The following CNOT2 variants were observed in gnomAD, a reference collection of about 807,000 sequenced individuals.
The protein encoded by CNOT2 is CC chemokine receptor 4-negative regulator of transcription 2.
CNOT2 carries 7 observed loss-of-function variants against 72.1 expected under a neutral mutation model. That is an observed-to-expected ratio of 0.10 (90% CI 0.06 to 0.18). CNOT2 has a LOEUF of 0.18. CNOT2 is among the 10% of genes least tolerant of loss of function. CNOT2 has a pLI of 1.00. For synonymous variants in CNOT2, 196 were observed against 225.6 expected, an observed-to-expected ratio of 0.87 and a Z score of 1.17; for missense variants, 345 against 660.3, an observed-to-expected ratio of 0.52 and a Z score of 5.23.
chr12:70,342,396 ATAAT>A, intron 13 of CNOT2, 89 bp downstream of exon 13: 1 of 1,420,880 alleles, frequency 7.0e-7, no homozygotes, highest in South Asian at 1.2e-5. Flanking sequence ...TATTTTTGAA[ATAAT>A]TAGTAATGGT....
chr12:70,351,967 A>G (rs953118657), intron 15 of CNOT2, among the ~76,000 whole-genome samples: 2 of 152,170 alleles, frequency 1.3e-5, no homozygotes, highest in African/African-American at 4.8e-5. Flanking sequence ...TACCAGTCAC[A>G]TGAAGGCAAC....
chr12:70,321,576 G>T (rs1045578058), intron 4 of CNOT2: 1 of 151,868 alleles, frequency 6.6e-6, no homozygotes, highest in Admixed American at 6.6e-5. Context: ...TACTGTAATT[G>T]CACATTGAGA....
intron 2 of CNOT2, among the ~76,000 whole-genome samples, chr12:70,310,039 A>G (rs1179000501): frequency 6.6e-6 from 1 of 152,052 alleles, no homozygotes; most frequent in Non-Finnish European, 1.5e-5. Flanking sequence ...TACAGTGACT[A>G]TTTATATAGC....
chr12:70,246,660 A>C (rs149494931), intron 1 of CNOT2, among the ~76,000 whole-genome samples: 144 of 152,342 alleles, frequency 9.5e-4, no homozygotes, highest in African/African-American at 3.3e-3. Flanking sequence ...GCTGTGCTAA[A>C]GTTGATGTCA....
At chr12:70,286,926 T>C (rs1258842784) in intron 2 of CNOT2, among the ~76,000 whole-genome samples, 1 of 152,112 alleles carries the variant, frequency 6.6e-6, no homozygotes, top group Non-Finnish European at 1.5e-5. Flanking sequence ...TTGTTGCTTT[T>C]CTTGGTTGTA....
intron 1 of CNOT2, among the ~76,000 whole-genome samples, chr12:70,256,281 G>A (rs139294350): frequency 3.3e-5 from 5 of 152,048 alleles, no homozygotes; most frequent in East Asian, 3.9e-4. Context: ...TTATCAATTG[G>A]CCCAGAAAAA....
chr12:70,325,934 T>A (rs1879004489), intron 4 of CNOT2, among the ~76,000 whole-genome samples: 1 of 151,890 alleles, frequency 6.6e-6, no homozygotes, highest in Non-Finnish European at 1.5e-5. Flanking sequence ...TTTTTATTTC[T>A]AGCAAAAAAT....
chr12:70,262,384 C>T (rs907545017), intron 1 of CNOT2, among the ~76,000 whole-genome samples: 6 of 152,106 alleles, frequency 3.9e-5, no homozygotes, highest in African/African-American at 1.4e-4. Flanking sequence ...CGCCATTCTC[C>T]TGCCTCAGCC....
At chr12:70,279,217 G>T (rs1209434863) in intron 2 of CNOT2, among the ~76,000 whole-genome samples, 1 of 152,088 alleles carries the variant, frequency 6.6e-6, no homozygotes, top group Non-Finnish European at 1.5e-5. Flanking sequence ...ATTTATTTTA[G>T]CCCAGTTAAT....
intron 2 of CNOT2, among the ~76,000 whole-genome samples, chr12:70,308,091 C>G (rs950595652): frequency 2.0e-5 from 3 of 152,110 alleles, no homozygotes; most frequent in African/African-American, 7.2e-5. Context: ...CTGAGCCATA[C>G]CAGTGAGGGG....
At chr12:70,257,906 C>A (rs1256790478) in intron 1 of CNOT2, among the ~76,000 whole-genome samples, 1 of 152,142 alleles carries the variant, frequency 6.6e-6, no homozygotes, top group East Asian at 1.9e-4. Flanking sequence ...TACAGCAAAG[C>A]TGTGCCAGTT....
chr12:70,258,899 G>A (rs1234820896), intron 1 of CNOT2, among the ~76,000 whole-genome samples: 2 of 152,150 alleles, frequency 1.3e-5, no homozygotes, highest in Non-Finnish European at 2.9e-5. Flanking sequence ...TTAAAAAATT[G>A]CAAAGCAGTA....
At chr12:70,327,108 T>C (rs1879191435) in intron 4 of CNOT2, among the ~76,000 whole-genome samples, 1 of 151,912 alleles carries the variant, frequency 6.6e-6, no homozygotes, top group Non-Finnish European at 1.5e-5. Flanking sequence ...CAAATCTCAA[T>C]GAGCCTTTTG....
intron 1 of CNOT2, among the ~76,000 whole-genome samples, chr12:70,275,628 T>C (rs1364293813): frequency 2.0e-5 from 3 of 152,068 alleles, no homozygotes; most frequent in Non-Finnish European, 4.4e-5. Flanking sequence ...ATGAAATACA[T>C]CCTTGCCTTA....
intron 1 of CNOT2, among the ~76,000 whole-genome samples, chr12:70,246,892 AATCTGTTGGT>A (rs1455346407): frequency 2.0e-5 from 3 of 152,152 alleles, no homozygotes; most frequent in African/African-American, 4.8e-5. Flanking sequence ...TACAGATGCA[AATCTGTTGGT>A]ATCTGTTGGT....
chr12:70,327,452 G>A (rs2136013919), intron 4 of CNOT2: 1 of 152,034 alleles, frequency 6.6e-6, no homozygotes, highest in Middle Eastern at 3.4e-3. Flanking sequence ...AAGAGCATTA[G>A]CAGCTAAGAG....
chr12:70,294,171 C>T (rs1872447183), intron 2 of CNOT2: 1 of 1,289,338 alleles, frequency 7.8e-7, no homozygotes, highest in African/African-American at 1.5e-5. Flanking sequence ...TGTAATATCT[C>T]AGGGGAGCTC....
intron 1 of CNOT2, among the ~76,000 whole-genome samples, chr12:70,257,672 T>G (rs1958529111): frequency 6.6e-6 from 1 of 152,066 alleles, no homozygotes; most frequent in Admixed American, 6.6e-5. Context: ...CGGCCCCAAC[T>G]ACCCTTTTCT....
intron 2 of CNOT2, among the ~76,000 whole-genome samples, chr12:70,288,717 G>A (rs1478514888): frequency 6.6e-6 from 1 of 152,108 alleles, no homozygotes. Flanking sequence ...AGTATTTTAT[G>A]GAGTGATTTT....
Sources: gnomAD v4.1 joint callset for allele counts (sites outside exome capture counted in the v4.1 genomes callset) on GRCh38, gnomAD v4.1.1 for gene constraint, MANE v1.5 for transcripts, NCBI Gene and HGNC (gene_info 2026-07-23, HGNC 2026-07-21) for gene names.